Variants in FNDC1 observed in about 807,000 individuals in gnomAD.
FNDC1 encodes fibronectin type III domain-containing protein 1.
FNDC1 carries 96 observed loss-of-function variants against 168.0 expected under a neutral mutation model. The observed-to-expected ratio is 0.57, with a 90% CI of 0.48 to 0.68. FNDC1 has a LOEUF of 0.68. Ranked by LOEUF, FNDC1 falls within the 30% of genes least tolerant of loss-of-function variation. The probability of loss-of-function intolerance (pLI) is 0.00; values close to 1 mark genes in which losing one functional copy is unlikely to be tolerated. For missense variants in FNDC1, 2,587 were observed against 2,482.1 expected (o/e 1.04, Z -0.90); for synonymous variants, 1,099 against 1,025.9 (o/e 1.07, Z -1.36).
chr6:159,224,281 A>G (rs1172937397), intron 7 of FNDC1, among the ~76,000 whole-genome samples: 1 of 152,234 alleles, frequency 6.6e-6, no homozygotes, highest in Non-Finnish European at 1.5e-5. Flanking sequence ...TTTATGTTAA[A>G]AGTCCACTAG....
chr6:159,220,796 G>A (rs548475553), intron 5 of FNDC1, among the ~76,000 whole-genome samples: 3 of 152,282 alleles, frequency 2.0e-5, no homozygotes, highest in South Asian at 2.1e-4. Flanking sequence ...CAGAATCCAC[G>A]TACAGTAAAG....
chr6:159,202,739 T>C (rs1782405854), intron 4 of FNDC1, among the ~76,000 whole-genome samples: 1 of 152,240 alleles, frequency 6.6e-6, no homozygotes, highest in Non-Finnish European at 1.5e-5. Context: ...TCAATTAATT[T>C]ATTACAGGCG....
At chr6:159,231,719 A>G (rs1056028138) in intron 10 of FNDC1, among the ~76,000 whole-genome samples, 163 bp from the exon 11 acceptor site, 1 of 152,238 alleles carries the variant, frequency 6.6e-6, no homozygotes, top group African/African-American at 2.4e-5. Context: ...AAAGAATGCT[A>G]TCGTTGAGAA....
chr6:159,230,424 C>A (rs1783056593), intron 10 of FNDC1, among the ~76,000 whole-genome samples: 1 of 152,112 alleles, frequency 6.6e-6, no homozygotes, highest in Admixed American at 6.6e-5. Flanking sequence ...AAAAAATTAC[C>A]CACTGGGTAC....
chr6:159,205,586 G>A (rs1026654590), intron 4 of FNDC1, among the ~76,000 whole-genome samples: 1 of 152,162 alleles, frequency 6.6e-6, no homozygotes, highest in Non-Finnish European at 1.5e-5. Context: ...CCAAATACCA[G>A]ATTTCTCAGC....
intron 1 of FNDC1, among the ~76,000 whole-genome samples, chr6:159,191,280 G>T (rs1782133447): frequency 6.6e-6 from 1 of 152,088 alleles, no homozygotes; most frequent in Admixed American, 6.5e-5. Flanking sequence ...ATAAGAGATG[G>T]GTCCTAGGAA....
Position 159,266,308 on chromosome 6 carries a change from C to A in FNDC1, c.5446+63C>A, listed in dbSNP as rs1205647508. On this transcript the variant is annotated intron_variant, in intron 21 of 22. Coordinates refer to ENST00000297267, the MANE Select transcript of FNDC1 (RefSeq NM_032532.3). ...AACATTTTGATTTATCAAGTACAAA[C>A]TTGGCACCACAGGTGCATCGGAATG... 4 of 1,552,776 alleles carry A rather than the reference C, an allele frequency of 2.6e-6. No homozygotes were observed. In the East Asian group the frequency reaches 9.0e-5, roughly 35 times the overall value.
At chr6:159,249,928 T>A (rs1016361645) in intron 16 of FNDC1, among the ~76,000 whole-genome samples, 1 of 152,360 alleles carries the variant, frequency 6.6e-6, no homozygotes, top group East Asian at 1.9e-4. Flanking sequence ...ATGTAGTGAC[T>A]GAGTGTCTAA....
intron 18 of FNDC1, among the ~76,000 whole-genome samples, chr6:159,259,780 T>A (rs537936070): frequency 8.5e-5 from 13 of 152,254 alleles, no homozygotes; most frequent in Non-Finnish European, 1.5e-4. Context: ...TAATTGTGCA[T>A]ATCTTTTTAT....
intron 18 of FNDC1, among the ~76,000 whole-genome samples, chr6:159,259,092 G>C (rs1777429175): frequency 6.6e-6 from 1 of 152,182 alleles, no homozygotes; most frequent in African/African-American, 2.4e-5. Flanking sequence ...TCATGATTGA[G>C]GCTGTTCAAA....
intron 10 of FNDC1, among the ~76,000 whole-genome samples, chr6:159,231,280 C>G (rs542389881): frequency 1.5e-5 from 1 of 65,152 alleles, no homozygotes; most frequent in South Asian, 4.9e-4. Flanking sequence ...GAGGCTGAGG[C>G]AGGAGAATGG....
At chr6:159,188,294 C>T (rs1782045213) in intron 1 of FNDC1, among the ~76,000 whole-genome samples, 2 of 152,008 alleles carry the variant, frequency 1.3e-5, no homozygotes, top group African/African-American at 4.8e-5. Context: ...GCATTTGCTG[C>T]AGGCTGGGTG....
intron 1 of FNDC1, among the ~76,000 whole-genome samples, chr6:159,173,167 C>T (rs1187023265): frequency 1.3e-5 from 2 of 152,190 alleles, no homozygotes; most frequent in African/African-American, 4.8e-5. Flanking sequence ...AATTCAGACA[C>T]CAAAATGTTT....
chr6:159,188,130 C>T (rs1340172178), intron 1 of FNDC1, among the ~76,000 whole-genome samples: 1 of 152,196 alleles, frequency 6.6e-6, no homozygotes, highest in African/African-American at 2.4e-5. Context: ...CTTACGTAAG[C>T]ATGAAGGGTT....
At chr6:159,225,418 T>A (rs375512) in intron 7 of FNDC1, 117 bp from the exon 8 acceptor site, 238,230 of 794,848 alleles carry the variant, frequency 0.3, 45,434 homozygotes, top group East Asian at 0.75. Context: ...TTTTCTCCTC[T>A]TTGATTTTCT....
At chr6:159,249,641 A>G (rs1777216276) in intron 16 of FNDC1, among the ~76,000 whole-genome samples, 1 of 152,204 alleles carries the variant, frequency 6.6e-6, no homozygotes, top group African/African-American at 2.4e-5. Flanking sequence ...GTTATTTCCT[A>G]TCACTTTCAT....
intron 8 of FNDC1, 95 bp from the exon 9 acceptor site, chr6:159,226,378 A>G (rs1314812557): frequency 2.1e-6 from 2 of 940,012 alleles, no homozygotes; most frequent in East Asian, 2.7e-5. Context: ...TAGGTCTTCA[A>G]TTTAAAAAAA....
At chr6:159,219,871 C>T (rs773878751) in intron 5 of FNDC1, among the ~76,000 whole-genome samples, 6 of 152,080 alleles carry the variant, frequency 3.9e-5, no homozygotes, top group Non-Finnish European at 5.9e-5. Context: ...ACTGTGAGGT[C>T]GAATGGCCAT....
In FNDC1 at chr6:159,267,800, G is replaced by A. The variant is rs1488658590; in HGVS notation, c.5447-4G>A. 2 of 1,613,590 alleles carry A rather than the reference G, an allele frequency of 1.2e-6. No homozygotes were observed. Among genetic ancestry groups the A allele is most frequent in the Non-Finnish European group, 1.7e-6 (2 of 1,179,798 alleles). ...TCATGGACTCAATCAATTCCTTCAT[G>A]CAGATACATTCTACAGCATTGGAGA... On this transcript the variant is annotated splice_polypyrimidine_tract_variant and splice_region_variant and intron_variant, in intron 21 of 22. Coordinates refer to ENST00000297267, the MANE Select transcript of FNDC1 (RefSeq NM_032532.3).
Sources: allele counts gnomAD v4.1 joint callset (sites outside exome capture counted in the v4.1 genomes callset), GRCh38; gene constraint gnomAD v4.1.1; transcripts MANE v1.5; gene names NCBI Gene and HGNC (gene_info 2026-07-23, HGNC 2026-07-21).